Variants in NEK1 observed in about 807,000 individuals in gnomAD.
NEK1 encodes the protein serine/threonine-protein kinase Nek1.
Under a neutral mutation model 182.1 loss-of-function variants are expected in NEK1, and 137 were observed. The observed-to-expected ratio is 0.75, with a 90% CI of 0.65 to 0.87. NEK1 has a LOEUF of 0.87. Ranked by LOEUF, NEK1 falls within the 40% of genes least tolerant of loss-of-function variation. The pLI, the probability that NEK1 is intolerant of heterozygous loss-of-function variation, is 0.00. For synonymous variants in NEK1, 513 were observed against 492.2 expected (o/e 1.04, Z -0.56); for missense variants, 1,391 against 1,494.4 (o/e 0.93, Z 1.14).
At chr4:169,506,641 T>C (rs1213826727) in intron 23 of NEK1, 2 of 153,060 alleles carry the variant, frequency 1.3e-5, no homozygotes, top group African/African-American at 4.8e-5. Flanking sequence ...TAGTCCCAGC[T>C]ACTCGGGAGG....
Position 169,443,051 on chromosome 4 carries a change from TTATCTATCTATCTATC to T in NEK1, c.2588-4808_2588-4793del, listed in dbSNP as rs58470007. ...CTGTCTCTAACCAAGTAAAAATATT[TTATCTATCTATCTATC>T]TATCTATCTATCTATCTATCTATCT... On this transcript the variant is annotated intron_variant, in intron 27 of 35. Transcript: ENST00000507142. Among the ~76,000 whole-genome samples the T allele has an allele frequency of 7.1e-4, 101 of 141,796 alleles. 2 individuals are homozygous for T. The East Asian group carries it at 0.012, about 17-fold the overall frequency. 93.0% of individuals were successfully genotyped at this position (141,796 alleles called of 152,430 possible). A position where few individuals can be genotyped will look rare whatever the true frequency, so the allele number is the denominator to read the frequency against.
At chr4:169,526,977 A>T (rs1389040911) in intron 19 of NEK1, among the ~76,000 whole-genome samples, 1 of 152,212 alleles carries the variant, frequency 6.6e-6, no homozygotes, top group East Asian at 1.9e-4. Flanking sequence ...GCAAACCATA[A>T]ATAGAAAAAA....
At chr4:169,507,644 C>A in intron 22 of NEK1, 71 bp downstream of exon 22, 1 of 1,130,898 alleles carries the variant, frequency 8.8e-7, no homozygotes. Context: ...CTATGCAAAA[C>A]TTAAGAACAC....
chr4:169,410,560 G>C (rs1467693717), intron 31 of NEK1, among the ~76,000 whole-genome samples: 1 of 152,078 alleles, frequency 6.6e-6, no homozygotes, highest in African/African-American at 2.4e-5. Flanking sequence ...TGCTGCTGCT[G>C]CTCTCTAAGA....
chr4:169,539,901 G>C (rs765903701), intron 18 of NEK1, among the ~76,000 whole-genome samples: 4 of 152,074 alleles, frequency 2.6e-5, no homozygotes, highest in Non-Finnish European at 4.4e-5. Context: ...TCTGTGTCCA[G>C]TGATTGTTAG....
chr4:169,590,666 A>G (rs1768317371), intron 6 of NEK1, 60 bp downstream of exon 6: 1 of 1,331,958 alleles, frequency 7.5e-7, no homozygotes. Flanking sequence ...TTTTGGCCCA[A>G]AACAATGAAG....
chr4:169,443,621 T>C (rs1000906023), intron 27 of NEK1, among the ~76,000 whole-genome samples: 3 of 151,536 alleles, frequency 2.0e-5, no homozygotes, highest in African/African-American at 4.8e-5. Context: ...TCTAACGAAA[T>C]AACAGCTGAA....
At chr4:169,429,034 T>C (rs1034270735) in intron 29 of NEK1, among the ~76,000 whole-genome samples, 1 of 150,982 alleles carries the variant, frequency 6.6e-6, no homozygotes, top group African/African-American at 2.4e-5. Flanking sequence ...TTAGATGCAA[T>C]TTTTTTTTCA....
intron 16 of NEK1, among the ~76,000 whole-genome samples, chr4:169,560,895 T>C (rs1762804435): frequency 6.6e-6 from 1 of 152,056 alleles, no homozygotes; most frequent in Non-Finnish European, 1.5e-5. Flanking sequence ...AACTCATCTA[T>C]GTAACTGGTT....
intron 12 of NEK1, among the ~76,000 whole-genome samples, chr4:169,571,535 A>G (rs1041839406): frequency 2.6e-5 from 4 of 152,232 alleles, no homozygotes; most frequent in African/African-American, 9.6e-5. Context: ...TCTATTCATA[A>G]AGCAAGTTTT....
intron 35 of NEK1, among the ~76,000 whole-genome samples, chr4:169,396,392 A>AAAAAAAAAAAG (rs1730715725): frequency 6.8e-6 from 1 of 147,906 alleles, no homozygotes; most frequent in Non-Finnish European, 1.5e-5. Flanking sequence ...AAAAAAAAAA[A>AAAAAAAAAAAG]AAAAGAAGAA....
chr4:169,477,144 G>T lies in NEK1; in HGVS notation c.2414C>A (p.Thr805Lys). 1 of 1,601,886 alleles carries T rather than the reference G, an allele frequency of 6.2e-7. No homozygotes were observed. Among genetic ancestry groups the T allele is most frequent in the Non-Finnish European group, 8.5e-7 (1 of 1,173,070 alleles). The change falls in exon 26 of 36, where the codon ACA (threonine) becomes AAA (lysine). Residue 805 changes from threonine (T) to lysine (K), a missense_variant. Thr to Lys is a moderately conservative substitution (Grantham distance 78). This residue lies in a region of NEK1 where 1,216 missense variants were observed against 1,277.6 expected (regional missense o/e 0.95). Coordinates refer to ENST00000507142, the MANE Select transcript of NEK1 (RefSeq NM_001199397.3). ...CATACTTTCAGTTGTAGAGAAGGATGTATCTAGTGTTAACTCATCCAGAGG... is the reference window on the plus strand; with the variant it reads ...CATACTTTCAGTTGTAGAGAAGGATTTATCTAGTGTTAACTCATCCAGAGG... ...VIPLDELTLD[T>K]SFSTTERHTV...
chr4:169,494,988 T>C (rs1750895048), intron 23 of NEK1, among the ~76,000 whole-genome samples: 1 of 152,212 alleles, frequency 6.6e-6, no homozygotes, highest in Non-Finnish European at 1.5e-5. Flanking sequence ...TTCTGGATAT[T>C]AGGCCTTTGT....
chr4:169,425,385 G>A (rs1736206562), intron 30 of NEK1, among the ~76,000 whole-genome samples: 1 of 150,320 alleles, frequency 6.7e-6, no homozygotes. Context: ...TCGCGCCACT[G>A]CACTCCAGCC....
chr4:169,502,073 C>T (rs74798315), intron 23 of NEK1, among the ~76,000 whole-genome samples: 88 of 151,858 alleles, frequency 5.8e-4, no homozygotes, highest in Non-Finnish European at 1.1e-3. Flanking sequence ...ACAACGGATC[C>T]CACAGAAATA....
chr4:169,419,360 G>A (rs1275799124), intron 31 of NEK1, among the ~76,000 whole-genome samples: 1 of 151,704 alleles, frequency 6.6e-6, no homozygotes, highest in African/African-American at 2.4e-5. Context: ...TCATCAACAG[G>A]GCTGTGTAAG....
intron 23 of NEK1, among the ~76,000 whole-genome samples, chr4:169,495,276 CT>C (rs1317321008): frequency 1.5e-5 from 2 of 135,606 alleles, no homozygotes; most frequent in Admixed American, 8.5e-5. Context: ...CGGAGTTTCG[CT>C]CTGTCGCCCA....
chr4:169,554,292 C>A (rs191083716), intron 18 of NEK1: 205 of 152,278 alleles, frequency 1.3e-3, no homozygotes, highest in Non-Finnish European at 2.6e-3. Context: ...GTGGCAAGCA[C>A]CTGTAGTCCC....
chr4:169,602,521 A>T lies in NEK1; in HGVS notation c.110T>A (p.Ile37Asn), dbSNP rs745701139. 1.3e-6 allele frequency: 2 copies of T among 1,533,694 alleles called. No individual in the cohort carries two copies. Among genetic ancestry groups the T allele is most frequent in the South Asian group, 2.3e-5 (2 of 88,810 alleles). Residue 37 changes from isoleucine to asparagine, a missense_variant, in exon 3 of 36, where the codon ATC becomes AAC. Ile to Asn is a moderately radical substitution (Grantham distance 149). Around this residue, in one of 5 missense-constraint regions of NEK1, gnomAD observed 42 missense variants for 47.9 expected, o/e 0.88. Transcript: ENST00000507142. ...AACTAAAAATATACTTACTCTTGAG[A>T]TGTTAATTTCCTTGATAACATACTG... ...GRQYVIKEINISRMSSKEREE... is the reference protein window; with the variant it reads ...GRQYVIKEINNSRMSSKEREE...
Sources: gnomAD v4.1 joint callset for allele counts (sites outside exome capture counted in the v4.1 genomes callset) on GRCh38, gnomAD v4.1.1 for gene constraint, gnomAD v4.1.1 regional missense constraint, MANE v1.5 for transcripts, NCBI Gene and HGNC (gene_info 2026-07-23, HGNC 2026-07-21) for gene names.